The following KIF7 variants were observed in gnomAD, a reference collection of about 807,000 sequenced individuals.
The protein encoded by KIF7 is kinesin family member 7.
A neutral mutation model predicts 135.7 loss-of-function variants in KIF7; 104 were observed. The observed-to-expected ratio is 0.77, with a 90% CI of 0.65 to 0.90. The LOEUF (loss-of-function observed/expected upper bound fraction) is 0.90. KIF7 is among the 40% of genes least tolerant of loss of function. The probability of loss-of-function intolerance (pLI) is 0.00; values close to 1 mark genes in which losing one functional copy is unlikely to be tolerated. For synonymous variants in KIF7, 883 were observed against 809.4 expected (o/e 1.09, Z -1.54); for missense variants, 2,005 against 1,839.1 (o/e 1.09, Z -1.65).
Position 89,649,095 on chromosome 15 carries a change from G to A in KIF7, c.802C>T (p.Arg268Trp), listed in dbSNP as rs1964077123. The part of the protein sequence containing the change: ...RVLKTGSTGE[R>W]LKESIQINSS... ...TTGATCTGGATGCTCTCCTTGAGCC[G>A]CTCGCCGGTGCTGCCCGTCTTGAGC... Residue 268 changes from arginine (R) to tryptophan (W), a missense_variant, in exon 4 of 19, where the codon CGG becomes TGG. Coordinates refer to ENST00000394412, the MANE Select transcript of KIF7 (RefSeq NM_198525.3). 4 of 1,547,564 alleles carry A rather than the reference G, an allele frequency of 2.6e-6. No homozygotes were observed. The highest frequency in any genetic ancestry group is 2.4e-5 in the East Asian group (1 of 40,876).
downstream of KIF7, chr15:89,623,522 G>C: frequency 8.3e-7 from 1 of 1,200,978 alleles, no homozygotes. Flanking sequence ...CATTCCTTTG[G>C]CTGACTATAA....
intron 1 of KIF7, among the ~76,000 whole-genome samples, chr15:89,653,328 G>T (rs1402499005): frequency 3.3e-5 from 5 of 152,102 alleles, no homozygotes; most frequent in Non-Finnish European, 7.3e-5. Flanking sequence ...GTTTACCACA[G>T]TCTTTGTGTC....
chr15:89,662,760 C>T, the KIF7 span, among the ~76,000 whole-genome samples: 1 of 152,128 alleles, frequency 6.6e-6, no homozygotes, highest in Admixed American at 6.5e-5. Flanking sequence ...AGAGGAAAGT[C>T]CCCCATTGAG....
At chr15:89,643,916 T>G (rs2142019714) in intron 10 of KIF7, among the ~76,000 whole-genome samples, 1 of 149,244 alleles carries the variant, frequency 6.7e-6, no homozygotes, top group African/African-American at 2.5e-5. Context: ...AGGACATTAG[T>G]TTCATTAGGT....
chr15:89,621,917 C>A (rs915122323), intron 1 of KIF7, among the ~76,000 whole-genome samples: 1 of 150,942 alleles, frequency 6.6e-6, no homozygotes, highest in Admixed American at 6.6e-5. Flanking sequence ...TGGGAGTCAT[C>A]CTTTTCCCTC....
chr15:89,624,734 T>C (rs1567053442), downstream of KIF7: 12 of 1,614,158 alleles, frequency 7.4e-6, no homozygotes, highest in Non-Finnish European at 1.0e-5. Context: ...CACCATGGCA[T>C]TGGTGACTTG....
At chr15:89,661,392 C>T in the KIF7 span, among the ~76,000 whole-genome samples, 1 of 152,034 alleles carries the variant, frequency 6.6e-6, no homozygotes, top group African/African-American at 2.4e-5. Flanking sequence ...GGAAGTAAAT[C>T]TATAAAGAAA....
rs1411427676 is a variant in KIF7, at chr15:89,645,419, C to G, written c.1955G>C (p.Gly652Ala). The G allele has an allele frequency of 6.2e-7, 1 of 1,613,852 alleles. No individual in the cohort carries two copies. The highest frequency in any genetic ancestry group is 8.5e-7 in the Non-Finnish European group (1 of 1,179,904). ...NRISNCSQRA[G>A]ARPGSLPERK... ...CTCTGGCAGACTCCCTGGGCGTGCC[C>G]CCGCCCTCTGACTGCAGTTGCTGAT... Residue 652 changes from glycine to alanine, a missense_variant, in exon 9 of 19, where the codon GGG becomes GCG. Coordinates refer to ENST00000394412, the MANE Select transcript of KIF7 (RefSeq NM_198525.3).
At chr15:89,659,657 C>A (rs1041575621), upstream of KIF7, among the ~76,000 whole-genome samples, 1 of 152,076 alleles carries the variant, frequency 6.6e-6, no homozygotes, top group Admixed American at 6.6e-5. Context: ...GACAAGATTC[C>A]GTTTTACTCT....
chr15:89,618,443 G>C (rs1272393845), intron 1 of KIF7, among the ~76,000 whole-genome samples: 1 of 152,162 alleles, frequency 6.6e-6, no homozygotes, highest in Non-Finnish European at 1.5e-5. Flanking sequence ...TTCAGGATGA[G>C]GGCTAAACTG....
downstream of KIF7, chr15:89,627,419 T>G: frequency 3.5e-6 from 1 of 289,736 alleles, no homozygotes; most frequent in Non-Finnish European, 6.4e-6. Context: ...GCCTCATTTA[T>G]GCAAATGGAG....
chr15:89,652,134 G>C (rs1275031596), intron 2 of KIF7, among the ~76,000 whole-genome samples: 2 of 152,190 alleles, frequency 1.3e-5, no homozygotes, highest in Non-Finnish European at 1.5e-5. Context: ...ACTTCCTTCA[G>C]TTGGCCCAAA....
intron 14 of KIF7, among the ~76,000 whole-genome samples, chr15:89,631,986 G>A (rs1334132717): frequency 6.6e-6 from 1 of 152,236 alleles, no homozygotes. Flanking sequence ...GCAATGGGTA[G>A]GGGTGGGAGG....
chr15:89,632,797 G>T, intron 14 of KIF7, 23 bp downstream of exon 14: 2 of 1,596,432 alleles, frequency 1.3e-6, no homozygotes, highest in Admixed American at 1.7e-5. Flanking sequence ...CACCTGGCAG[G>T]ATCTCTCCTG....
chr15:89,626,260 C>CA (rs1963524201), downstream of KIF7, among the ~76,000 whole-genome samples: 5 of 152,324 alleles, frequency 3.3e-5, no homozygotes, highest in South Asian at 1.0e-3. Flanking sequence ...AGAAGCCCCT[C>CA]AAAATCCTGC....
chr15:89,619,827 C>A, intron 1 of KIF7: 1 of 1,612,234 alleles, frequency 6.2e-7, no homozygotes, highest in African/African-American at 1.3e-5. Flanking sequence ...CCACTCTTTC[C>A]AGCAAGATAA....
chr15:89,625,401 C>T, downstream of KIF7: 1 of 1,613,982 alleles, frequency 6.2e-7, no homozygotes, highest in Non-Finnish European at 8.5e-7. Context: ...GTGGCGCCGG[C>T]TCCTCTTCCG....
At chr15:89,653,175 C>A (rs1025490993) in intron 1 of KIF7, among the ~76,000 whole-genome samples, 19 of 152,252 alleles carry the variant, frequency 1.2e-4, no homozygotes, top group African/African-American at 4.1e-4. Flanking sequence ...GCTTCCGGCA[C>A]TGGCGAAATG....
chr15:89,628,198 G>T lies in KIF7; in HGVS notation c.*221C>A. On this transcript the variant is annotated 3_prime_UTR_variant, in exon 19 of 19. Coordinates refer to ENST00000394412, the MANE Select transcript of KIF7 (RefSeq NM_198525.3). ...CACAAGGCGGCAATTGGGTACCACAGCTTCATGGAAGTAAGTGGTGGGAAT... is the reference window on the plus strand; with the variant it reads ...CACAAGGCGGCAATTGGGTACCACATCTTCATGGAAGTAAGTGGTGGGAAT... 5.7e-6 allele frequency: 3 copies of T among 522,130 alleles called. No individual in the cohort carries two copies. The East Asian group carries it at 9.1e-5, about 16-fold the overall frequency. The allele number at this position is 522,130 out of a possible 1,614,324, so 32.3% of individuals were successfully genotyped here.
Sources: gnomAD v4.1 joint callset for allele counts (sites outside exome capture counted in the v4.1 genomes callset) on GRCh38, gnomAD v4.1.1 for gene constraint, MANE v1.5 for transcripts, NCBI Gene and HGNC (gene_info 2026-07-23, HGNC 2026-07-21) for gene names.